DNAH5: variants seen among roughly 807,000 people sequenced by gnomAD.
The protein encoded by DNAH5 is axonemal beta dynein heavy chain 5.
DNAH5 carries 372 observed loss-of-function variants against 518.2 expected under a neutral mutation model. That is an observed-to-expected ratio of 0.72 (90% CI 0.66 to 0.78). The LOEUF (loss-of-function observed/expected upper bound fraction) is 0.78. DNAH5 is among the 30% of genes least tolerant of loss of function. The pLI is 0.00. For synonymous variants in DNAH5, 2,039 were observed against 2,025.9 expected, an observed-to-expected ratio of 1.01 and a Z score of -0.17; for missense variants, 5,523 against 5,687.0, an observed-to-expected ratio of 0.97 and a Z score of 0.93.
intron 72 of DNAH5, among the ~76,000 whole-genome samples, chr5:13,717,893 A>G (rs1444621786): frequency 6.6e-6 from 1 of 152,192 alleles, no homozygotes; most frequent in East Asian, 1.9e-4. Flanking sequence ...TACTTGGGGC[A>G]TATACTTTTA....
chr5:13,838,181 A>C (rs984258899), intron 35 of DNAH5, among the ~76,000 whole-genome samples: 2 of 152,188 alleles, frequency 1.3e-5, no homozygotes, highest in African/African-American at 4.8e-5. Context: ...TGATATTACA[A>C]AGTTCAAATT....
chr5:13,755,751 T>C (rs564245944), intron 61 of DNAH5, among the ~76,000 whole-genome samples: 1 of 152,190 alleles, frequency 6.6e-6, no homozygotes, highest in East Asian at 1.9e-4. Context: ...GGAAGGACAA[T>C]CCTACATTGT....
intron 71 of DNAH5, 131 bp downstream of exon 71, chr5:13,720,869 A>AC (rs199648192): frequency 3.1e-6 from 4 of 1,307,908 alleles, no homozygotes; most frequent in Admixed American, 2.5e-5. Context: ...TTTAAAAAAA[A>AC]AACGCTGTTT....
chr5:13,848,188 G>T (rs77954216), intron 31 of DNAH5, among the ~76,000 whole-genome samples: 3,076 of 152,240 alleles, frequency 0.02, 99 homozygotes, highest in African/African-American at 0.068. Context: ...AATTTTATAA[G>T]GGAGATCAAC....
intron 40 of DNAH5, among the ~76,000 whole-genome samples, chr5:13,820,842 A>C (rs999734863): frequency 1.8e-5 from 1 of 54,480 alleles, no homozygotes; most frequent in African/African-American, 9.5e-5. Context: ...AAAAAAAAAA[A>C]AACACATCAA....
At chr5:13,785,869 C>T (rs1042950062) in intron 52 of DNAH5, among the ~76,000 whole-genome samples, 1 of 152,182 alleles carries the variant, frequency 6.6e-6, no homozygotes, top group Non-Finnish European at 1.5e-5. Context: ...AAGATGTAGA[C>T]TTTGCCTGTG....
At chr5:13,783,267 A>G (rs2126852416) in intron 52 of DNAH5, among the ~76,000 whole-genome samples, 1 of 152,326 alleles carries the variant, frequency 6.6e-6, no homozygotes, top group Non-Finnish European at 1.5e-5. Flanking sequence ...GTATGGAAAT[A>G]TCAGGATATA....
intron 68 of DNAH5, among the ~76,000 whole-genome samples, chr5:13,732,817 T>C (rs1437443750): frequency 1.3e-5 from 2 of 152,204 alleles, no homozygotes; most frequent in Non-Finnish European, 2.9e-5. Context: ...ATTTGCACCA[T>C]AACACTATCT....
In DNAH5 at chr5:13,817,540, TC is replaced by T; in HGVS notation, c.6988+7del. The stretch of plus-strand genomic sequence containing the variant: ...AATCAAAAATAATCCTTGTAATTTA[TC>T]TTCTACCTTTCTTTGCTCTTAATGT... On this transcript the variant is annotated splice_region_variant and intron_variant, in intron 42 of 78. Transcript: ENST00000265104. 1.2e-6 allele frequency: 2 copies of T among 1,613,706 alleles called. No homozygotes were observed. Among genetic ancestry groups the T allele is most frequent in the Non-Finnish European group, 1.7e-6 (2 of 1,179,610 alleles).
chr5:13,851,697 C>G (rs1265480431), intron 30 of DNAH5, among the ~76,000 whole-genome samples: 1 of 152,070 alleles, frequency 6.6e-6, no homozygotes, highest in Non-Finnish European at 1.5e-5. Flanking sequence ...CAACACCTAG[C>G]ACCTTAAATA....
chr5:13,883,063 G>A lies in DNAH5; in HGVS notation c.3015C>T (p.Asn1005=), dbSNP rs1304255585. 6.2e-7 allele frequency: 1 copy of A among 1,613,952 alleles called. No individual in the cohort carries two copies. Among genetic ancestry groups the A allele is most frequent in the African/African-American group, 1.3e-5 (1 of 74,904 alleles). Residue 1005 remains asparagine, a synonymous_variant, in exon 20 of 79, where the codon AAC becomes AAT. Transcript: ENST00000265104. ...CGCTTGCCCGGAAAATGGGCAAACT[G>A]TTCTGCTTCATGTTAGAGGCACTGT... ...DSNSASNMKQ[N]SLPIFRASVT...
Position 13,862,710 on chromosome 5 carries a change from T to G in DNAH5, c.4634A>C (p.Glu1545Ala), listed in dbSNP as rs1434629401. Residue 1545 changes from glutamate (E) to alanine (A), a missense_variant, in exon 29 of 79, where the codon GAG becomes GCG. Coordinates refer to ENST00000265104, the MANE Select transcript of DNAH5 (RefSeq NM_001369.3). ...CISAVKERDI[E>A]QKLKQVINEW... Reference sequence around the variant, plus strand: ...ATTAATCACTTGCTTCAGCTTTTGCTCAATGTCTCTCTCTTTCACCGCACT... The same window carrying G: ...ATTAATCACTTGCTTCAGCTTTTGCGCAATGTCTCTCTCTTTCACCGCACT... The G allele has an allele frequency of 3.1e-6, 5 of 1,613,982 alleles. No individual in the cohort carries two copies. Among genetic ancestry groups the G allele is most frequent in the Non-Finnish European group, 3.4e-6 (4 of 1,179,956 alleles).
intron 69 of DNAH5, 121 bp from the exon 70 acceptor site, chr5:13,727,777 C>T (rs1454156674): frequency 9.1e-7 from 1 of 1,103,378 alleles, no homozygotes; most frequent in Non-Finnish European, 1.3e-6. Flanking sequence ...TATTCCTTGG[C>T]TATTTTTTTA....
chr5:13,837,178 T>C (rs1390812984), intron 35 of DNAH5, among the ~76,000 whole-genome samples: 6 of 152,100 alleles, frequency 3.9e-5, no homozygotes, highest in Admixed American at 3.9e-4. Context: ...AAAGAACACA[T>C]TTGTGTGGTT....
At position 13,693,420 on chromosome 5, in the gene DNAH5, T is replaced by C. The variant is rs561035842; in HGVS notation, c.13724-1285A>G. On this transcript the variant is annotated intron_variant, in intron 78 of 78. Coordinates refer to ENST00000265104, the MANE Select transcript of DNAH5 (RefSeq NM_001369.3). ...ATCCAATAGAACTTGTAACCTGCTG[T>C]GCCCTGTGTTTTTACATATCCACTA... Among the ~76,000 whole-genome samples, 8 of 152,360 alleles carry C rather than the reference T, an allele frequency of 5.3e-5. No individual in the cohort carries two copies. In the East Asian group the frequency reaches 1.5e-3, roughly 29 times the overall value.
At chr5:13,881,276 T>C (rs562381533) in intron 21 of DNAH5, among the ~76,000 whole-genome samples, 22 of 152,074 alleles carry the variant, frequency 1.4e-4, no homozygotes, top group Non-Finnish European at 3.1e-4. Context: ...ATATTAGACT[T>C]GAACTACACT....
chr5:13,966,294 G>C (rs981595272), intron 1 of DNAH5, among the ~76,000 whole-genome samples: 3 of 151,988 alleles, frequency 2.0e-5, no homozygotes, highest in Non-Finnish European at 4.4e-5. Context: ...CCATATTTTT[G>C]CAATTGTGAA....
At chr5:13,769,748 G>A in intron 56 of DNAH5, 133 bp from the exon 57 acceptor site, 2 of 770,256 alleles carry the variant, frequency 2.6e-6, no homozygotes, top group Non-Finnish European at 4.5e-6. Context: ...AACCCAAGAG[G>A]GCTTAGCAAA....
intron 46 of DNAH5, 35 bp downstream of exon 46, chr5:13,809,009 A>G (rs1484220156): frequency 6.2e-6 from 10 of 1,611,484 alleles, no homozygotes; most frequent in African/African-American, 1.3e-5. Context: ...CTCCCCTTAA[A>G]ATATGCTACA....
Sources: allele counts gnomAD v4.1 joint callset (sites outside exome capture counted in the v4.1 genomes callset), GRCh38; gene constraint gnomAD v4.1.1; transcripts MANE v1.5; gene names NCBI Gene and HGNC (gene_info 2026-07-23, HGNC 2026-07-21).